The following CNBD1 variants were observed in gnomAD, a reference collection of about 807,000 sequenced individuals.
CNBD1 encodes cyclic nucleotide binding domain containing 1.
Under a neutral mutation model 54.4 loss-of-function variants are expected in CNBD1, and 71 were observed. The observed-to-expected ratio is 1.30, with a 90% CI of 1.08 to 1.59. The LOEUF is 1.59. Among genes scored for constraint, CNBD1 ranks in the 40% most tolerant of loss-of-function variants. CNBD1 has a pLI of 0.00. For missense variants in CNBD1, 659 were observed against 518.0 expected (o/e 1.27, Z -2.64); for synonymous variants, 182 against 170.7 (o/e 1.07, Z -0.51).
At chr8:87,185,161 C>T (rs1431502060) in intron 4 of CNBD1, among the ~76,000 whole-genome samples, 1 of 152,062 alleles carries the variant, frequency 6.6e-6, no homozygotes, top group Non-Finnish European at 1.5e-5. Flanking sequence ...GTTCCACATA[C>T]AATCAAAAAG....
chr8:87,349,452 T>G (rs1367408726), intron 8 of CNBD1, among the ~76,000 whole-genome samples: 1 of 152,214 alleles, frequency 6.6e-6, no homozygotes, highest in Non-Finnish European at 1.5e-5. Flanking sequence ...CTCAGCTCAC[T>G]GCAACCTCTG....
chr8:87,343,315 C>G (rs1295448293), intron 8 of CNBD1, among the ~76,000 whole-genome samples: 1 of 152,106 alleles, frequency 6.6e-6, no homozygotes, highest in Non-Finnish European at 1.5e-5. Flanking sequence ...ACAATTGGTA[C>G]AGTTAACACA....
chr8:87,259,662 A>G (rs925615105), intron 6 of CNBD1, among the ~76,000 whole-genome samples: 6 of 152,194 alleles, frequency 3.9e-5, no homozygotes, highest in Admixed American at 6.5e-5. Flanking sequence ...CGAGATTACT[A>G]CAATAGTTGT....
At chr8:87,143,281 A>G (rs1812409405) in intron 4 of CNBD1, among the ~76,000 whole-genome samples, 1 of 152,152 alleles carries the variant, frequency 6.6e-6, no homozygotes, top group Admixed American at 6.5e-5. Flanking sequence ...TGAAGTGGGC[A>G]TGACATTGGT....
At chr8:87,199,083 C>T (rs1000341351) in intron 4 of CNBD1, among the ~76,000 whole-genome samples, 4 of 152,164 alleles carry the variant, frequency 2.6e-5, no homozygotes, top group African/African-American at 9.7e-5. Flanking sequence ...GCTCCCTTAC[C>T]ACTGAGAGCA....
At chr8:86,890,764 T>G (rs2131792001) in intron 2 of CNBD1, among the ~76,000 whole-genome samples, 1 of 152,254 alleles carries the variant, frequency 6.6e-6, no homozygotes, top group East Asian at 1.9e-4. Flanking sequence ...TACCTTTCTT[T>G]TTGATAACAG....
chr8:86,916,730 A>C (rs1234626254), intron 3 of CNBD1, among the ~76,000 whole-genome samples: 1 of 151,530 alleles, frequency 6.6e-6, no homozygotes, highest in African/African-American at 2.4e-5. Context: ...TTGAAATAGA[A>C]TCTCACTCTG....
At chr8:86,901,190 A>G (rs2131804238) in intron 2 of CNBD1, among the ~76,000 whole-genome samples, 1 of 152,290 alleles carries the variant, frequency 6.6e-6, no homozygotes, top group South Asian at 2.1e-4. Context: ...TATATATGCA[A>G]TATGCATATT....
chr8:87,419,701 G>T (rs1037302695), intron 2 of CNBD1, among the ~76,000 whole-genome samples: 1 of 151,796 alleles, frequency 6.6e-6, no homozygotes, highest in Non-Finnish European at 1.5e-5. Flanking sequence ...GACAAAGTTT[G>T]TCTATTGAAT....
intron 4 of CNBD1, among the ~76,000 whole-genome samples, chr8:87,109,353 T>C (rs1811609163): frequency 6.6e-6 from 1 of 152,022 alleles, no homozygotes; most frequent in Non-Finnish European, 1.5e-5. Flanking sequence ...AATATTTTTG[T>C]GTGAGGCAGC....
chr8:86,965,175 C>G (rs186093129), intron 4 of CNBD1, among the ~76,000 whole-genome samples: 26 of 152,246 alleles, frequency 1.7e-4, no homozygotes, highest in Non-Finnish European at 3.2e-4. Flanking sequence ...TGGCAACATT[C>G]TTAACATTTT....
intron 7 of CNBD1, 148 bp downstream of exon 7, chr8:87,284,963 T>C (rs1808664664): frequency 1.7e-6 from 1 of 581,622 alleles, no homozygotes; most frequent in South Asian, 3.3e-5. Flanking sequence ...TTGACAAAAA[T>C]CACTTAAGAG....
At chr8:87,239,244 A>G (rs1469287447) in intron 6 of CNBD1, among the ~76,000 whole-genome samples, 2 of 152,212 alleles carry the variant, frequency 1.3e-5, no homozygotes, top group Non-Finnish European at 2.9e-5. Flanking sequence ...GGACAAGTAT[A>G]TGATTACTGA....
At chr8:87,189,681 C>G (rs1813557929) in intron 4 of CNBD1, among the ~76,000 whole-genome samples, 1 of 152,078 alleles carries the variant, frequency 6.6e-6, no homozygotes, top group Non-Finnish European at 1.5e-5. Flanking sequence ...CAGAGAGAAC[C>G]AAAAGCGTGC....
At chr8:87,169,886 G>T (rs1376145713) in intron 4 of CNBD1, among the ~76,000 whole-genome samples, 12 of 152,030 alleles carry the variant, frequency 7.9e-5, no homozygotes, top group Admixed American at 6.6e-4. Flanking sequence ...TTTGGCTATT[G>T]TAGGTCTTTT....
chr8:87,180,916 C>T (rs898873110), intron 4 of CNBD1, among the ~76,000 whole-genome samples: 7 of 152,092 alleles, frequency 4.6e-5, no homozygotes, highest in African/African-American at 1.4e-4. Context: ...AAACAAGTAT[C>T]GAGGGTCTTT....
chr8:87,108,508 G>A (rs752749028), intron 4 of CNBD1, among the ~76,000 whole-genome samples: 1 of 152,106 alleles, frequency 6.6e-6, no homozygotes, highest in Non-Finnish European at 1.5e-5. Context: ...TGATATTTAT[G>A]CATTGTTTAA....
chr8:87,143,532 T>C (rs1812418228), intron 4 of CNBD1, among the ~76,000 whole-genome samples: 1 of 152,220 alleles, frequency 6.6e-6, no homozygotes, highest in East Asian at 1.9e-4. Context: ...ATTTAAAGAA[T>C]GTAAAGTAAT....
At chr8:87,001,385 T>G (rs920478708) in intron 4 of CNBD1, among the ~76,000 whole-genome samples, 1 of 152,168 alleles carries the variant, frequency 6.6e-6, no homozygotes, top group African/African-American at 2.4e-5. Flanking sequence ...AAGTTTTGCT[T>G]TATTTTTTGG....
Sources: gnomAD v4.1 joint callset for allele counts (sites outside exome capture counted in the v4.1 genomes callset) on GRCh38, gnomAD v4.1.1 for gene constraint, MANE v1.5 for transcripts, NCBI Gene and HGNC (gene_info 2026-07-23, HGNC 2026-07-21) for gene names.